YPEL1: variants seen among roughly 807,000 people sequenced by gnomAD.
YPEL1 encodes protein yippee-like 1.
YPEL1 carries 7 observed loss-of-function variants against 17.3 expected under a neutral mutation model. The ratio of observed to expected loss-of-function variants is 0.40; its 90% CI spans 0.23 to 0.76. The LOEUF (loss-of-function observed/expected upper bound fraction) is 0.76, where lower values mean the gene tolerates loss of function less well. Among genes scored for constraint, YPEL1 ranks in the 30% least tolerant of loss-of-function variants. YPEL1 has a pLI of 0.35. For missense variants in YPEL1, 91 were observed against 155.5 expected, an observed-to-expected ratio of 0.59 and a Z score of 2.21; for synonymous variants, 59 against 59.6, an observed-to-expected ratio of 0.99 and a Z score of 0.05.
At chr22:21,721,121 G>GT (rs1316371649) in intron 1 of YPEL1, among the ~76,000 whole-genome samples, 11 of 148,094 alleles carry the variant, frequency 7.4e-5, no homozygotes, top group South Asian at 2.1e-4. Flanking sequence ...AACATTTTGG[G>GT]TTTTTTGGGG....
At chr22:21,715,620 C>T (rs143455103) in intron 1 of YPEL1, among the ~76,000 whole-genome samples, 1,730 of 151,792 alleles carry the variant, frequency 0.011, 29 homozygotes, top group African/African-American at 0.04. Context: ...GAATCTCTGT[C>T]GCCCAGGCTG....
chr22:21,715,196 G>C (rs963859634), intron 1 of YPEL1, among the ~76,000 whole-genome samples: 3 of 152,066 alleles, frequency 2.0e-5, no homozygotes, highest in Non-Finnish European at 4.4e-5. Flanking sequence ...AGTGTAACTA[G>C]ACAAAAAAAC....
intron 1 of YPEL1, among the ~76,000 whole-genome samples, chr22:21,734,254 TAC>T (rs2068415740): frequency 6.6e-6 from 1 of 152,078 alleles, no homozygotes; most frequent in African/African-American, 2.4e-5. Context: ...CTTTATAAAT[TAC>T]AGTGATTCAA....
At chr22:21,729,442 TAA>T (rs35544773) in intron 1 of YPEL1, among the ~76,000 whole-genome samples, 76 of 130,006 alleles carry the variant, frequency 5.8e-4, no homozygotes, top group East Asian at 7.0e-4. Context: ...CCCCCATCTC[TAA>T]AAAAAAAAAA....
chr22:21,714,122 G>A (rs538103120), intron 1 of YPEL1, among the ~76,000 whole-genome samples: 6 of 151,872 alleles, frequency 4.0e-5, no homozygotes, highest in African/African-American at 9.7e-5. Flanking sequence ...CCAGGACGGC[G>A]TCTGCCCCCC....
chr22:21,712,294 T>C (rs2068174046), intron 1 of YPEL1, among the ~76,000 whole-genome samples: 1 of 150,880 alleles, frequency 6.6e-6, no homozygotes, highest in African/African-American at 2.4e-5. Flanking sequence ...CTAGAATACA[T>C]ATATTCTATA....
chr22:21,706,511 C>G (rs1181094761), intron 2 of YPEL1, among the ~76,000 whole-genome samples: 1 of 152,020 alleles, frequency 6.6e-6, no homozygotes, highest in Non-Finnish European at 1.5e-5. Context: ...CAACTGCATC[C>G]GCATATGGGC....
intron 1 of YPEL1, among the ~76,000 whole-genome samples, chr22:21,718,553 G>A (rs978953434): frequency 4.6e-5 from 7 of 152,038 alleles, no homozygotes; most frequent in African/African-American, 1.4e-4. Flanking sequence ...AAGAGAGCCC[G>A]GAAACAGACC....
intron 1 of YPEL1, among the ~76,000 whole-genome samples, chr22:21,728,075 T>C (rs1045607960): frequency 6.6e-6 from 1 of 152,150 alleles, no homozygotes; most frequent in Non-Finnish European, 1.5e-5. Context: ...AGTGCTCATG[T>C]GGCCCCGCCA....
intron 2 of YPEL1, among the ~76,000 whole-genome samples, chr22:21,705,106 C>T (rs892815702): frequency 6.6e-6 from 1 of 152,152 alleles, no homozygotes; most frequent in Non-Finnish European, 1.5e-5. Flanking sequence ...GCTAGGACTA[C>T]AGGCACGTGC....
At chr22:21,709,781 A>C (rs2068147714) in intron 2 of YPEL1, among the ~76,000 whole-genome samples, 1 of 148,388 alleles carries the variant, frequency 6.7e-6, no homozygotes, top group Non-Finnish European at 1.5e-5. Context: ...GGATGGGGGG[A>C]GGTCATGACC....
At chr22:21,733,601 GCCTGTGTTT>G (rs2068409445) in intron 1 of YPEL1, among the ~76,000 whole-genome samples, 2 of 151,316 alleles carry the variant, frequency 1.3e-5, no homozygotes, top group Admixed American at 1.3e-4. Context: ...GGTGGTGTGT[GCCTGTGTTT>G]CCAGCTACTC....
chr22:21,730,653 A>G (rs907249138), intron 1 of YPEL1, among the ~76,000 whole-genome samples: 1 of 152,236 alleles, frequency 6.6e-6, no homozygotes, highest in South Asian at 2.1e-4. Context: ...ATCCACACAC[A>G]TCCACTTCCT....
At chr22:21,707,317 TGA>T (rs2068125148) in intron 2 of YPEL1, among the ~76,000 whole-genome samples, 3 of 152,240 alleles carry the variant, frequency 2.0e-5, no homozygotes, top group Admixed American at 2.0e-4. Context: ...CTCAGAAGGC[TGA>T]GACAGAAGAC....
chr22:21,713,147 T>C (rs2068187460), intron 1 of YPEL1, among the ~76,000 whole-genome samples: 1 of 152,152 alleles, frequency 6.6e-6, no homozygotes, highest in Non-Finnish European at 1.5e-5. Context: ...AATTGGAGCC[T>C]TGTGCATTGA....
chr22:21,718,128 C>CA (rs55677107), intron 1 of YPEL1, among the ~76,000 whole-genome samples: 51,019 of 130,034 alleles, frequency 0.39, 10,190 homozygotes, highest in Non-Finnish European at 0.47. Context: ...GACTCTGTCT[C>CA]AAAAAAAAAA....
At position 21,701,113 on chromosome 22, in the gene YPEL1, A is replaced by G. The variant is rs776183659; in HGVS notation, c.*16T>C. 1 of 1,606,814 alleles carries G rather than the reference A, an allele frequency of 6.2e-7. No individual in the cohort carries two copies. Among genetic ancestry groups the G allele is most frequent in the Non-Finnish European group, 8.5e-7 (1 of 1,173,778 alleles). ...TTCACAAAACAGCATTCAAAGGAGA[A>G]GGGAAAGTTCGCACATTACTCCCAG... On this transcript the variant is annotated 3_prime_UTR_variant, in exon 5 of 5. Coordinates refer to ENST00000339468, the MANE Select transcript of YPEL1 (RefSeq NM_013313.5).
chr22:21,729,664 GAT>G (rs1420505554), intron 1 of YPEL1, among the ~76,000 whole-genome samples: 1 of 152,192 alleles, frequency 6.6e-6, no homozygotes, highest in Non-Finnish European at 1.5e-5. Context: ...GGTGCTCTGT[GAT>G]CCAGCCATTT....
chr22:21,718,573 TACAG>T (rs1382713192), intron 1 of YPEL1, among the ~76,000 whole-genome samples: 1 of 152,110 alleles, frequency 6.6e-6, no homozygotes, highest in Non-Finnish European at 1.5e-5. Flanking sequence ...CACAGGTGGA[TACAG>T]ACAGCACAGA....
Sources: allele counts gnomAD v4.1 joint callset (sites outside exome capture counted in the v4.1 genomes callset), GRCh38; gene constraint gnomAD v4.1.1; transcripts MANE v1.5; gene names NCBI Gene and HGNC (gene_info 2026-07-23, HGNC 2026-07-21).